Variants in MAN1A1 observed in about 807,000 individuals in gnomAD.
The protein encoded by MAN1A1 is mannosyl-oligosaccharide 1,2-alpha-mannosidase IA.
Under a neutral mutation model 70.8 loss-of-function variants are expected in MAN1A1, and 29 were observed. The observed-to-expected ratio is 0.41, with a 90% CI of 0.31 to 0.56. MAN1A1 has a LOEUF of 0.56. Ranked by LOEUF, MAN1A1 falls within the 20% of genes least tolerant of loss-of-function variation. The pLI, the probability that MAN1A1 is intolerant of heterozygous loss-of-function variation, is 0.29. For synonymous variants in MAN1A1, 349 were observed against 330.1 expected (o/e 1.06, Z -0.62); for missense variants, 747 against 841.3 (o/e 0.89, Z 1.39).
intron 6 of MAN1A1, among the ~76,000 whole-genome samples, chr6:119,213,698 G>A (rs367730438): frequency 7.9e-5 from 12 of 152,114 alleles, no homozygotes; most frequent in Non-Finnish European, 1.2e-4. Flanking sequence ...TACCACCAGC[G>A]CTCCCTCAAA....
At chr6:119,328,673 A>G (rs1773222613) in intron 2 of MAN1A1, among the ~76,000 whole-genome samples, 1 of 152,170 alleles carries the variant, frequency 6.6e-6, no homozygotes, top group South Asian at 2.1e-4. Flanking sequence ...TTATTTTGTA[A>G]ATTTGGAATC....
At chr6:119,216,215 T>C (rs554790964) in intron 6 of MAN1A1, among the ~76,000 whole-genome samples, 3 of 152,304 alleles carry the variant, frequency 2.0e-5, no homozygotes, top group African/African-American at 4.8e-5. Flanking sequence ...CAGGGGATGA[T>C]AAAGTCTGAT....
intron 5 of MAN1A1, among the ~76,000 whole-genome samples, chr6:119,258,236 G>C (rs978550235): frequency 6.6e-6 from 1 of 152,116 alleles, no homozygotes; most frequent in Admixed American, 6.5e-5. Context: ...CAGGATTGGT[G>C]ATCTTTGTTC....
intron 9 of MAN1A1, among the ~76,000 whole-genome samples, chr6:119,192,321 A>C (rs970312577): frequency 6.6e-6 from 1 of 152,178 alleles, no homozygotes. Context: ...AATAAACCTA[A>C]AAGAGGCCAT....
At chr6:119,267,405 TTAAG>T (rs1775787873) in intron 5 of MAN1A1, among the ~76,000 whole-genome samples, 1 of 152,068 alleles carries the variant, frequency 6.6e-6, no homozygotes, top group African/African-American at 2.4e-5. Context: ...ACTCAGTACA[TTAAG>T]TATTATTTAC....
chr6:119,293,189 C>T (rs994601207), intron 4 of MAN1A1, among the ~76,000 whole-genome samples: 3 of 151,916 alleles, frequency 2.0e-5, no homozygotes, highest in African/African-American at 4.8e-5. Flanking sequence ...TGTAGACATC[C>T]GATAAAAATT....
At chr6:119,194,607 A>C (rs1773519470) in intron 8 of MAN1A1, among the ~76,000 whole-genome samples, 1 of 152,194 alleles carries the variant, frequency 6.6e-6, no homozygotes, top group Non-Finnish European at 1.5e-5. Context: ...TACAGGCATG[A>C]ACCACTGTGC....
At chr6:119,186,594 C>T (rs1450094746) in intron 11 of MAN1A1, among the ~76,000 whole-genome samples, 1 of 152,194 alleles carries the variant, frequency 6.6e-6, no homozygotes, top group African/African-American at 2.4e-5. Flanking sequence ...TGGTTGACAG[C>T]CATTAACTCC....
At chr6:119,231,201 A>G (rs1774665526) in intron 6 of MAN1A1, among the ~76,000 whole-genome samples, 1 of 152,196 alleles carries the variant, frequency 6.6e-6, no homozygotes, top group African/African-American at 2.4e-5. Context: ...GTTTTGAGAC[A>G]ATGAATCTTG....
At chr6:119,219,194 T>G (rs905007408) in intron 6 of MAN1A1, among the ~76,000 whole-genome samples, 9 of 151,508 alleles carry the variant, frequency 5.9e-5, no homozygotes, top group African/African-American at 1.9e-4. Context: ...ATTTATTTTT[T>G]CTTTATAGAG....
intron 4 of MAN1A1, among the ~76,000 whole-genome samples, chr6:119,291,962 T>C (rs1222407027): frequency 6.6e-6 from 1 of 152,046 alleles, no homozygotes; most frequent in East Asian, 1.9e-4. Context: ...TTTAAAATGT[T>C]GAAGCTGAGA....
intron 2 of MAN1A1, chr6:119,327,468 C>T (rs544116392): frequency 2.8e-5 from 4 of 144,006 alleles, no homozygotes; most frequent in African/African-American, 1.0e-4. Context: ...TGGCTCACTG[C>T]AATCTCCACC....
chr6:119,238,685 C>T (rs1774921505), intron 6 of MAN1A1, among the ~76,000 whole-genome samples: 1 of 152,172 alleles, frequency 6.6e-6, no homozygotes, highest in Non-Finnish European at 1.5e-5. Flanking sequence ...TTACAAGGTA[C>T]ATTAAACTCT....
At chr6:119,277,110 C>T (rs1776087715) in intron 5 of MAN1A1, among the ~76,000 whole-genome samples, 1 of 152,050 alleles carries the variant, frequency 6.6e-6, no homozygotes, top group Non-Finnish European at 1.5e-5. Context: ...ACAAACATTG[C>T]CCTCAAGGCT....
intron 5 of MAN1A1, among the ~76,000 whole-genome samples, chr6:119,263,940 C>A: frequency 6.6e-6 from 1 of 152,300 alleles, no homozygotes; most frequent in South Asian, 2.1e-4. Flanking sequence ...TTACTATGAT[C>A]TCCTATAGAA....
At chr6:119,212,302 C>A (rs916227769) in intron 6 of MAN1A1, among the ~76,000 whole-genome samples, 1 of 152,104 alleles carries the variant, frequency 6.6e-6, no homozygotes, top group Non-Finnish European at 1.5e-5. Context: ...AGAGCAATTA[C>A]TATTGGAAAG....
chr6:119,286,025 C>A (rs1776364531), intron 5 of MAN1A1, among the ~76,000 whole-genome samples: 1 of 152,190 alleles, frequency 6.6e-6, no homozygotes, highest in Non-Finnish European at 1.5e-5. Flanking sequence ...GCAGAATACA[C>A]TGCTATGTGC....
Position 119,180,363 on chromosome 6 carries a change from T to C in MAN1A1, c.1784A>G (p.His595Arg). ...YSGLRDVYLLHESYDDVQQSF... is the reference protein window; with the variant it reads ...YSGLRDVYLLRESYDDVQQSF... ...CTGCTGCACATCATCATAACTCTCA[T>C]GAAGAAGGTAAACATCCCTTAGGCC... is the stretch of plus-strand genomic sequence containing the variant. The change falls in exon 12 of 13, where the codon CAT (histidine) becomes CGT (arginine). Residue 595 changes from histidine to arginine, a missense_variant. By Grantham distance (29) the His-to-Arg change is conservative. Transcript: ENST00000368468. 1 of 1,613,908 alleles carries C rather than the reference T, an allele frequency of 6.2e-7. No individual in the cohort carries two copies. Among genetic ancestry groups the C allele is most frequent in the East Asian group, 2.2e-5 (1 of 44,866 alleles).
chr6:119,201,205 C>T (rs755003592), intron 8 of MAN1A1, 49 bp downstream of exon 8: 25 of 1,369,666 alleles, frequency 1.8e-5, no homozygotes, highest in Middle Eastern at 1.8e-4. Context: ...TCTCTCTCCA[C>T]GAGTACAGTA....
Sources: gnomAD v4.1 joint callset for allele counts (sites outside exome capture counted in the v4.1 genomes callset) on GRCh38, gnomAD v4.1.1 for gene constraint, MANE v1.5 for transcripts, NCBI Gene and HGNC (gene_info 2026-07-23, HGNC 2026-07-21) for gene names.